Variants in MYPOP observed in about 807,000 individuals in gnomAD.
MYPOP encodes the protein myb-related transcription factor, partner of profilin.
MYPOP carries 21 observed loss-of-function variants against 25.7 expected under a neutral mutation model. The ratio of observed to expected loss-of-function variants is 0.82; its 90% CI spans 0.58 to 1.18. The LOEUF (loss-of-function observed/expected upper bound fraction) is 1.18. Ranked by LOEUF, MYPOP falls within the 50% of genes most tolerant of loss-of-function variation. MYPOP has a pLI of 0.00. For synonymous variants in MYPOP, 280 were observed against 247.9 expected, an observed-to-expected ratio of 1.13 and a Z score of -1.22; for missense variants, 566 against 588.3, an observed-to-expected ratio of 0.96 and a Z score of 0.39.
At chr19:45,895,909 G>A (rs1967197180) in intron 2 of MYPOP, among the ~76,000 whole-genome samples, 2 of 151,810 alleles carry the variant, frequency 1.3e-5, no homozygotes, top group Admixed American at 1.3e-4. Context: ...CTGCTCCTTG[G>A]CCAAATCAGA....
rs1010539111 is a variant in MYPOP, at chr19:45,891,058, G to A, written c.765C>T (p.Ala255=). Residue 255 remains alanine (A), a synonymous_variant, in exon 3 of 3, where the codon GCC becomes GCT. Coordinates refer to ENST00000322217, the MANE Select transcript of MYPOP (RefSeq NM_001012643.4). ...PPPRPPPTLS[A]SDPSLDFLRA... is the part of the protein sequence containing the mutation. ...GCAGGAAGTCCAGGGAGGGGTCTGAGGCCGAGAGCGTGGGTGGAGGCCGAG... is the reference window on the plus strand; with the variant it reads ...GCAGGAAGTCCAGGGAGGGGTCTGAAGCCGAGAGCGTGGGTGGAGGCCGAG... The A allele has an allele frequency of 4.6e-6, 7 of 1,506,694 alleles. No individual in the cohort carries two copies. The highest frequency in any genetic ancestry group is 1.4e-5 in the African/African-American group (1 of 71,094). The allele number at this position is 1,506,694 out of a possible 1,614,324, so 93.3% of individuals were successfully genotyped here.
intron 2 of MYPOP, among the ~76,000 whole-genome samples, chr19:45,896,099 T>C (rs1241951771): frequency 1.3e-5 from 2 of 152,096 alleles, no homozygotes; most frequent in African/African-American, 2.4e-5. Flanking sequence ...GAGACCAGCC[T>C]GGCCAACATG....
At position 45,890,344 on chromosome 19, in the gene MYPOP, C is replaced by T; in HGVS notation, c.*279G>A. The T allele has an allele frequency of 2.7e-6, 1 of 364,622 alleles. No homozygotes were observed. Among genetic ancestry groups the T allele is most frequent in the African/African-American group, 2.1e-5 (1 of 47,294 alleles). The allele number at this position is 364,622 out of a possible 1,614,324, so 22.6% of individuals were successfully genotyped here. A position where few individuals can be genotyped will look rare whatever the true frequency, so the allele number is the denominator to read the frequency against. The stretch of plus-strand genomic sequence containing the variant: ...CAGACCCGAGAGGTTCCCTCCCCAC[C>T]CCACATAGGGCAATAATAAATAACA... On this transcript the variant is annotated 3_prime_UTR_variant, in exon 3 of 3. Transcript: ENST00000322217.
chr19:45,902,451 G>A (rs1967315961), intron 1 of MYPOP, 119 bp downstream of exon 1: 2 of 152,300 alleles, frequency 1.3e-5, no homozygotes, highest in African/African-American at 2.4e-5. Context: ...AGAAATTAAG[G>A]GGAGCTCTGG....
chr19:45,898,553 C>T (rs1043506595), intron 2 of MYPOP, among the ~76,000 whole-genome samples: 3 of 151,694 alleles, frequency 2.0e-5, no homozygotes, highest in African/African-American at 7.3e-5. Flanking sequence ...GAACTCCCGA[C>T]CTCAGGTAAG....
rs2146373255 is a variant in MYPOP at position 45,890,558 on chromosome 19, A to G, written c.*65T>C. On this transcript the variant is annotated 3_prime_UTR_variant, in exon 3 of 3. Transcript: ENST00000322217. ...GGTGCAGCTGGGATGGGCAGAGAGCATCGCCCCCCTCGACTGCGCCAAGCT... is the reference window on the plus strand; with the variant it reads ...GGTGCAGCTGGGATGGGCAGAGAGCGTCGCCCCCCTCGACTGCGCCAAGCT... The G allele has an allele frequency of 1.9e-6, 3 of 1,581,668 alleles. No individual in the cohort carries two copies. The highest frequency in any genetic ancestry group is 2.6e-6 in the Non-Finnish European group (3 of 1,162,290).
At position 45,891,014 on chromosome 19, in the gene MYPOP, G is replaced by A. The variant is rs1344459566; in HGVS notation, c.809C>T (p.Ala270Val). The A allele has an allele frequency of 6.5e-7, 1 of 1,529,188 alleles. No homozygotes were observed. Among genetic ancestry groups the A allele is most frequent in the East Asian group, 2.4e-5 (1 of 41,156 alleles). The allele number at this position is 1,529,188 out of a possible 1,614,324, so 94.7% of individuals were successfully genotyped here. Residue 270 changes from alanine (A) to valine (V), a missense_variant, in exon 3 of 3, where the codon GCC (alanine) becomes GTC (valine). Transcript: ENST00000322217. ...LDFLRAQQET[A>V]NAIRELAGTL... ...GCCGGCCAGCTCCCGGATGGCGTTG[G>A]CAGTCTCCTGCTGGGCCCGCAGGAA...
At chr19:45,898,665 C>T (rs1967242966) in intron 2 of MYPOP, among the ~76,000 whole-genome samples, 3 of 152,048 alleles carry the variant, frequency 2.0e-5, no homozygotes, top group Non-Finnish European at 4.4e-5. Context: ...TACGCGTGTT[C>T]CTGCCTCAGA....
rs1266723225 is a variant in MYPOP, at chr19:45,890,718, G to A, written c.1105C>T (p.Pro369Ser). The A allele has an allele frequency of 5.1e-6, 8 of 1,581,358 alleles. No individual in the cohort carries two copies. The highest frequency in any genetic ancestry group is 2.3e-5 in the East Asian group (1 of 44,124). ...TCGTGCGGAGGGAGCGGGGCTGGGG[G>A]GGGCCGGGGTGCCCCCTCCTCGCTC... ...PRSEEGAPRP[P>S]PAPLPPHDSP... The change falls in exon 3 of 3, where the codon CCC (proline) becomes TCC (serine). Residue 369 changes from proline (P) to serine (S), a missense_variant. Coordinates refer to ENST00000322217, the MANE Select transcript of MYPOP (RefSeq NM_001012643.4).
chr19:45,890,866 A>AGGTGGC lies in MYPOP; in HGVS notation c.951_956dup (p.Pro319_Pro320dup). 1.9e-6 allele frequency: 1 copy of AGGTGGC among 538,190 alleles called. No individual in the cohort carries two copies. The highest frequency in any genetic ancestry group is 1.5e-4 in the Admixed American group (1 of 6,552). 33.3% of individuals were successfully genotyped at this position (538,190 alleles called of 1,614,324 possible). A position where few individuals can be genotyped will look rare whatever the true frequency, so the allele number is the denominator to read the frequency against. ...CCGGTGGGGGCAGGACAGGCCTGGG[A>AGGTGGC]GGTGGCGGTGGGGGTGGGGGTGGGG... is the stretch of plus-strand genomic sequence containing the variant. On this transcript the variant is annotated inframe_insertion, in exon 3 of 3. Transcript: ENST00000322217.
At position 45,901,160 on chromosome 19, in the gene MYPOP, CTA is replaced by C; in HGVS notation, c.499+113_499+114del. 1 of 1,002,864 alleles carries C rather than the reference CTA, an allele frequency of 1.0e-6. No homozygotes were observed. Among genetic ancestry groups the C allele is most frequent in the Non-Finnish European group, 1.3e-6 (1 of 750,244 alleles). 62.1% of individuals were successfully genotyped at this position (1,002,864 alleles called of 1,614,324 possible). A position where few individuals can be genotyped will look rare whatever the true frequency, so the allele number is the denominator to read the frequency against. ...TTTTTCTGAGCTTCAGTTTCCCTAG[CTA>C]TAAAATGGGGCGAAGGACAGCATCC... On this transcript the variant is annotated intron_variant, in intron 2 of 2. Transcript: ENST00000322217. This position sits in a 1 kb window ranked among gnomAD's most constrained non-coding sequence, Gnocchi z 5.7.
Position 45,901,635 on chromosome 19 carries a change from C to T in MYPOP, c.139G>A (p.Val47Met). The T allele has an allele frequency of 6.2e-7, 1 of 1,610,704 alleles. No homozygotes were observed. The highest frequency in any genetic ancestry group is 8.5e-7 in the Non-Finnish European group (1 of 1,179,300). Residue 47 changes from valine (V) to methionine (M), a missense_variant, in exon 2 of 3, where the codon GTG (valine) becomes ATG (methionine). Val to Met is a conservative substitution (Grantham distance 21). Coordinates refer to ENST00000322217, the MANE Select transcript of MYPOP (RefSeq NM_001012643.4). The surrounding 1 kb of genome is among the most constrained non-coding windows in gnomAD (Gnocchi z 5.7). ...ACGCGCCGCCGCTCTGCCACGCTCACCCGACGGCTCTGCGCGCCGTAGAGC... is the reference window on the plus strand; with the variant it reads ...ACGCGCCGCCGCTCTGCCACGCTCATCCGACGGCTCTGCGCGCCGTAGAGC... ...PQLYGAQSRR[V>M]SVAERRRVWD...
chr19:45,901,355 G>C lies in MYPOP; in HGVS notation c.419C>G (p.Pro140Arg). Residue 140 changes from proline (P) to arginine (R), a missense_variant, in exon 2 of 3, where the codon CCC (proline) becomes CGC (arginine). Physicochemically the swap from Pro to Arg is moderately radical, Grantham distance 103. Transcript: ENST00000322217. The surrounding 1 kb of genome is among the most constrained non-coding windows in gnomAD (Gnocchi z 5.7). ...GCTTGGGGGCGGCGGCTGTGAAGAG[G>C]GGGCCGCAGGGGGCTCCTCCGCCCC... The part of the protein sequence containing the change: ...GAGAEEPPAA[P>R]SSQPPPPSAC... The C allele has an allele frequency of 1.2e-5, 17 of 1,462,294 alleles. No homozygotes were observed. Among genetic ancestry groups the C allele is most frequent in the Non-Finnish European group, 1.5e-5 (17 of 1,108,166 alleles). 90.6% of individuals were successfully genotyped at this position (1,462,294 alleles called of 1,614,324 possible). A position where few individuals can be genotyped will look rare whatever the true frequency, so the allele number is the denominator to read the frequency against.
At chr19:45,894,209 T>A (rs546191503) in intron 2 of MYPOP, among the ~76,000 whole-genome samples, 1 of 144,960 alleles carries the variant, frequency 6.9e-6, no homozygotes, top group African/African-American at 2.6e-5. Flanking sequence ...GTCTCCTGGG[T>A]TCACACCATT....
At chr19:45,898,346 G>C (rs1967237378) in intron 2 of MYPOP, among the ~76,000 whole-genome samples, 1 of 149,786 alleles carries the variant, frequency 6.7e-6, no homozygotes, top group African/African-American at 2.5e-5. Flanking sequence ...TTTTGAGACT[G>C]AGTTTTGCTC....
intron 2 of MYPOP, among the ~76,000 whole-genome samples, chr19:45,892,996 G>A (rs1463710080): frequency 6.6e-6 from 1 of 152,222 alleles, no homozygotes; most frequent in African/African-American, 2.4e-5. Flanking sequence ...AAATTTGGCC[G>A]CATGTGGTGG....
chr19:45,901,216 T>G lies in MYPOP; in HGVS notation c.499+59A>C. ...TCACAGGGCTGCAGCAAGGCTTTGATGAGACATGTAAAAGGCTTGCAACAG... is the reference window on the plus strand; with the variant it reads ...TCACAGGGCTGCAGCAAGGCTTTGAGGAGACATGTAAAAGGCTTGCAACAG... On this transcript the variant is annotated intron_variant, in intron 2 of 2. Coordinates refer to ENST00000322217, the MANE Select transcript of MYPOP (RefSeq NM_001012643.4). This position sits in a 1 kb window ranked among gnomAD's most constrained non-coding sequence, Gnocchi z 5.7. The G allele has an allele frequency of 1.7e-4, 233 of 1,372,286 alleles. No individual in the cohort carries two copies. Among genetic ancestry groups the G allele is most frequent in the Non-Finnish European group, 2.0e-4 (216 of 1,054,748 alleles). The allele number at this position is 1,372,286 out of a possible 1,614,324, so 85.0% of individuals were successfully genotyped here.
Position 45,890,457 on chromosome 19 carries a change from C to G in MYPOP, c.*166G>C. On this transcript the variant is annotated 3_prime_UTR_variant, in exon 3 of 3. Coordinates refer to ENST00000322217, the MANE Select transcript of MYPOP (RefSeq NM_001012643.4). ...AGAAAGGGGTTGGGGGGGCCCATTA[C>G]TGAGGCCCCCCCCAGAGAATCAGGC... 8.6e-7 allele frequency: 1 copy of G among 1,168,726 alleles called. No homozygotes were observed. The allele number at this position is 1,168,726 out of a possible 1,614,324, so 72.4% of individuals were successfully genotyped here.
chr19:45,902,552 G>C lies in MYPOP; in HGVS notation c.-53+18C>G, dbSNP rs1967318181. 1 of 152,230 alleles carries C rather than the reference G, an allele frequency of 6.6e-6. No homozygotes were observed. Among genetic ancestry groups the C allele is most frequent in the Non-Finnish European group, 1.5e-5 (1 of 68,038 alleles). 9.4% of individuals were successfully genotyped at this position (152,230 alleles called of 1,614,324 possible). ...GGTCGCGGAGGGTGGGGACCGAGTC[G>C]GGCCACGGGTCACTCACCGGCTCCG... On this transcript the variant is annotated intron_variant, in intron 1 of 2. Transcript: ENST00000322217.
Sources: allele counts gnomAD v4.1 joint callset (sites outside exome capture counted in the v4.1 genomes callset), GRCh38; gene constraint gnomAD v4.1.1; non-coding constraint Gnocchi (gnomAD v3.1); transcripts MANE v1.5; gene names NCBI Gene and HGNC (gene_info 2026-07-23, HGNC 2026-07-21).